KCNH1: variants seen among roughly 807,000 people sequenced by gnomAD.
KCNH1 encodes voltage-gated delayed rectifier potassium channel KCNH1.
A neutral mutation model predicts 69.2 loss-of-function variants in KCNH1; 27 were observed. The ratio of observed to expected loss-of-function variants is 0.39; its 90% CI spans 0.29 to 0.54. The LOEUF (loss-of-function observed/expected upper bound fraction) is 0.54, where lower values mean the gene tolerates loss of function less well. Ranked by LOEUF, KCNH1 falls within the 20% of genes least tolerant of loss-of-function variation. KCNH1 has a pLI of 0.68. For missense variants in KCNH1, 798 were observed against 1,261.6 expected (o/e 0.63, Z 5.57); for synonymous variants, 456 against 487.7 (o/e 0.93, Z 0.86).
chr1:210,878,853 G>A (rs1200987676), intron 7 of KCNH1, among the ~76,000 whole-genome samples: 1 of 151,716 alleles, frequency 6.6e-6, no homozygotes, highest in Admixed American at 6.6e-5. Context: ...CTGTTTTTTT[G>A]AAAATATCAA....
At chr1:210,699,764 TTAACC>T (rs1681729299) in intron 10 of KCNH1, among the ~76,000 whole-genome samples, 1 of 152,226 alleles carries the variant, frequency 6.6e-6, no homozygotes, top group Non-Finnish European at 1.5e-5. Context: ...TAATAAAAAG[TTAACC>T]TAACCAGATG....
intron 7 of KCNH1, among the ~76,000 whole-genome samples, chr1:210,914,084 G>A (rs1026411426): frequency 2.0e-5 from 3 of 152,146 alleles, no homozygotes; most frequent in Admixed American, 6.5e-5. Context: ...CTGCAGAGTA[G>A]CCAGGCCAAC....
intron 7 of KCNH1, among the ~76,000 whole-genome samples, chr1:210,870,542 C>T (rs899465154): frequency 2.0e-5 from 3 of 152,200 alleles, no homozygotes; most frequent in African/African-American, 7.2e-5. Flanking sequence ...ACCATCTCTG[C>T]TAACAGCTTC....
rs574188162 is a variant in KCNH1, at chr1:210,738,421, C to A, written c.2112+36927G>T. Among the ~76,000 whole-genome samples, 3 of 152,252 alleles carry A rather than the reference C, an allele frequency of 2.0e-5. No individual in the cohort carries two copies. In the South Asian group the frequency reaches 6.2e-4, roughly 32 times the overall value. On this transcript the variant is annotated intron_variant, in intron 10 of 10. Transcript: ENST00000271751. ...TGTAGCTAAAGCTGGGCACATGACTCAAGCTAGGAAAATCGATGTTCTCTT... is the reference window on the plus strand; with the variant it reads ...TGTAGCTAAAGCTGGGCACATGACTAAAGCTAGGAAAATCGATGTTCTCTT...
At chr1:211,076,586 C>T (rs1446410464) in intron 5 of KCNH1, among the ~76,000 whole-genome samples, 2 of 152,196 alleles carry the variant, frequency 1.3e-5, no homozygotes. Context: ...GATAACCACA[C>T]CAAAACCCCA....
At chr1:210,867,350 CACACACACACACAT>C (rs926361715) in intron 7 of KCNH1, among the ~76,000 whole-genome samples, 3 of 131,762 alleles carry the variant, frequency 2.3e-5, no homozygotes, top group African/African-American at 5.3e-5. Flanking sequence ...CACACACACA[CACACACACACACAT>C]ATATATATAT....
chr1:210,977,282 T>C (rs1010865944), intron 6 of KCNH1, among the ~76,000 whole-genome samples: 2 of 151,930 alleles, frequency 1.3e-5, no homozygotes, highest in African/African-American at 4.8e-5. Flanking sequence ...CATCACACAC[T>C]GGGGCCTGTC....
intron 6 of KCNH1, among the ~76,000 whole-genome samples, chr1:210,975,936 C>T (rs903096302): frequency 2.6e-4 from 40 of 152,176 alleles, no homozygotes; most frequent in African/African-American, 8.4e-4. Context: ...AAAAAGTAGG[C>T]GAAGGATATG....
At chr1:211,025,141 T>C (rs190343303) in intron 5 of KCNH1, among the ~76,000 whole-genome samples, 6 of 152,342 alleles carry the variant, frequency 3.9e-5, no homozygotes, top group African/African-American at 1.2e-4. Context: ...TGCCTTCTCA[T>C]ACCAAGCCAA....
intron 7 of KCNH1, among the ~76,000 whole-genome samples, chr1:210,817,137 C>T (rs1438960785): frequency 6.6e-6 from 1 of 152,104 alleles, no homozygotes; most frequent in African/African-American, 2.4e-5. Flanking sequence ...CTCTTCTCCA[C>T]ATTGCCTCCA....
chr1:210,794,176 G>T (rs368605848), intron 9 of KCNH1, among the ~76,000 whole-genome samples: 3 of 152,216 alleles, frequency 2.0e-5, no homozygotes, highest in African/African-American at 7.2e-5. Context: ...TTTCCAGGGA[G>T]CAAACAGCTT....
chr1:210,808,849 G>T (rs1192903246), intron 7 of KCNH1, among the ~76,000 whole-genome samples: 1 of 152,178 alleles, frequency 6.6e-6, no homozygotes, highest in Non-Finnish European at 1.5e-5. Context: ...ATAGATATAT[G>T]AGTGTGATGT....
chr1:210,822,678 A>G (rs1328205231), intron 7 of KCNH1, among the ~76,000 whole-genome samples: 2 of 151,990 alleles, frequency 1.3e-5, no homozygotes, highest in Non-Finnish European at 2.9e-5. Context: ...TTCACACCCC[A>G]TCTGTACCCA....
In KCNH1 at chr1:210,738,552, C is replaced by CTTTTTTTTTTTTTTTTT. The variant is rs57669878; in HGVS notation, c.2112+36779_2112+36795dup. ...CTGTATTCCTGGCTTGGCTTTTTTGCTTTTTTTTTTTTTTTTTTTTTTTTT... is the reference window on the plus strand; with the variant it reads ...CTGTATTCCTGGCTTGGCTTTTTTGCTTTTTTTTTTTTTTTTTTTTTTTTTTTTTTTTTTTTTTTTTT... On this transcript the variant is annotated intron_variant, in intron 10 of 10. Transcript: ENST00000271751. Among the ~76,000 whole-genome samples the CTTTTTTTTTTTTTTTTT allele has an allele frequency of 6.1e-4, 30 of 49,150 alleles. 4 individuals carry two copies. The East Asian group carries it at 7.5e-3, about 12-fold the overall frequency. The allele number at this position is 49,150 out of a possible 152,430, so 32.2% of individuals were successfully genotyped here.
chr1:211,103,116 G>C (rs17017201), intron 3 of KCNH1, among the ~76,000 whole-genome samples: 1 of 152,210 alleles, frequency 6.6e-6, no homozygotes, highest in Non-Finnish European at 1.5e-5. Context: ...CTTGTGCTAA[G>C]TGCTGTGGAA....
At chr1:211,069,666 G>C (rs1463612782) in intron 5 of KCNH1, among the ~76,000 whole-genome samples, 1 of 151,858 alleles carries the variant, frequency 6.6e-6, no homozygotes, top group Non-Finnish European at 1.5e-5. Context: ...TGTCAATAGA[G>C]ACCTCCAAAA....
intron 9 of KCNH1, among the ~76,000 whole-genome samples, chr1:210,779,725 T>C (rs907833201): frequency 1.3e-5 from 2 of 151,562 alleles, no homozygotes; most frequent in African/African-American, 4.8e-5. Context: ...CATTCTGAGC[T>C]GGGAAAAAAA....
intron 10 of KCNH1, among the ~76,000 whole-genome samples, chr1:210,756,281 T>A (rs1165885797): frequency 6.6e-6 from 1 of 152,222 alleles, no homozygotes; most frequent in African/African-American, 2.4e-5. Context: ...GGATGCAGTA[T>A]CACTTTACCA....
chr1:210,766,327 A>G (rs1013937180), intron 10 of KCNH1, among the ~76,000 whole-genome samples: 1 of 152,160 alleles, frequency 6.6e-6, no homozygotes, highest in Admixed American at 6.5e-5. Context: ...GGAGTTTGAG[A>G]CCGGCCTGGC....
Sources: gnomAD v4.1 joint callset for allele counts (sites outside exome capture counted in the v4.1 genomes callset) on GRCh38, gnomAD v4.1.1 for gene constraint, MANE v1.5 for transcripts, NCBI Gene and HGNC (gene_info 2026-07-23, HGNC 2026-07-21) for gene names.